LHFPL6: variants seen among roughly 807,000 people sequenced by gnomAD.
The protein encoded by LHFPL6 is LHFPL tetraspan subfamily member 6, also known as LHFPL tetraspan subfamily member 6 protein.
LHFPL6 carries 9 observed loss-of-function variants against 20.6 expected under a neutral mutation model. The observed-to-expected ratio is 0.44, with a 90% confidence interval of 0.26 to 0.76. The LOEUF is 0.76. Among genes scored for constraint, LHFPL6 ranks in the 30% least tolerant of loss-of-function variants. LHFPL6 has a pLI of 0.20. For missense variants in LHFPL6, 218 were observed against 253.5 expected, an observed-to-expected ratio of 0.86 and a Z score of 0.95; for synonymous variants, 105 against 98.7, an observed-to-expected ratio of 1.06 and a Z score of -0.38.
chr13:39,404,604 G>A (rs2138381717), intron 2 of LHFPL6, among the ~76,000 whole-genome samples: 1 of 152,296 alleles, frequency 6.6e-6, no homozygotes, highest in Non-Finnish European at 1.5e-5. Context: ...ATTTCATTGT[G>A]CACCAAAGTT....
chr13:39,511,480 A>T, intron 2 of LHFPL6, among the ~76,000 whole-genome samples: 1 of 151,814 alleles, frequency 6.6e-6, no homozygotes, highest in South Asian at 2.1e-4. Context: ...AAAAAAAAAA[A>T]AAGACAGAAA....
intron 3 of LHFPL6, among the ~76,000 whole-genome samples, chr13:39,361,498 A>G (rs1233512907): frequency 6.6e-6 from 1 of 152,016 alleles, no homozygotes; most frequent in Non-Finnish European, 1.5e-5. Flanking sequence ...TTCTATTTTT[A>G]GTAGAGATGG....
At chr13:39,381,991 A>T (rs1593292427) in intron 2 of LHFPL6, among the ~76,000 whole-genome samples, 1 of 152,166 alleles carries the variant, frequency 6.6e-6, no homozygotes, top group East Asian at 1.9e-4. Flanking sequence ...CTGAGATTGC[A>T]GCTATTGTTA....
chr13:39,375,622 G>A (rs1185654461), intron 3 of LHFPL6, among the ~76,000 whole-genome samples: 2 of 144,428 alleles, frequency 1.4e-5, no homozygotes, highest in African/African-American at 5.8e-5. Flanking sequence ...CCTGGGAGGT[G>A]GAGGTTGCAG....
At chr13:39,391,421 T>G (rs1177828) in intron 2 of LHFPL6, among the ~76,000 whole-genome samples, 1 of 151,968 alleles carries the variant, frequency 6.6e-6, no homozygotes, top group African/African-American at 2.4e-5. Context: ...CCTCATCAGT[T>G]AAGAAGGAAT....
chr13:39,363,494 T>C (rs917355710), intron 3 of LHFPL6, among the ~76,000 whole-genome samples: 15 of 152,168 alleles, frequency 9.9e-5, no homozygotes, highest in Non-Finnish European at 1.9e-4. Context: ...CACATGAGCA[T>C]GGCAGTGTTC....
At chr13:39,539,369 G>T (rs1205408687) in intron 2 of LHFPL6, among the ~76,000 whole-genome samples, 1 of 151,946 alleles carries the variant, frequency 6.6e-6, no homozygotes, top group African/African-American at 2.4e-5. Context: ...GCAGGAAATG[G>T]AACTCTTCAA....
chr13:39,355,614 C>A (rs1869705225), intron 3 of LHFPL6, among the ~76,000 whole-genome samples: 1 of 151,998 alleles, frequency 6.6e-6, no homozygotes, highest in South Asian at 2.1e-4. Flanking sequence ...CAAATAAGAC[C>A]CAGCCATCTG....
intron 2 of LHFPL6, among the ~76,000 whole-genome samples, chr13:39,599,358 C>A (rs754991573): frequency 1.1e-4 from 17 of 152,218 alleles, no homozygotes; most frequent in Non-Finnish European, 2.2e-4. Context: ...TTCTTAAAAT[C>A]TATTCTTAAA....
intron 2 of LHFPL6, among the ~76,000 whole-genome samples, chr13:39,435,062 CAAA>C (rs55701240): frequency 2.4e-4 from 13 of 53,360 alleles, no homozygotes; most frequent in Non-Finnish European, 4.0e-4. Context: ...GACTCCGTCT[CAAA>C]AAAAAAAAAA....
intron 2 of LHFPL6, among the ~76,000 whole-genome samples, chr13:39,476,173 T>C (rs1354147426): frequency 6.6e-6 from 1 of 152,164 alleles, no homozygotes; most frequent in Non-Finnish European, 1.5e-5. Context: ...TATGAAAACA[T>C]CTATTTGTTT....
intron 3 of LHFPL6, among the ~76,000 whole-genome samples, chr13:39,358,988 T>C (rs951443060): frequency 6.6e-6 from 1 of 152,078 alleles, no homozygotes; most frequent in Non-Finnish European, 1.5e-5. Flanking sequence ...CTGGCCAACA[T>C]GGTGAAACCC....
intron 2 of LHFPL6, among the ~76,000 whole-genome samples, chr13:39,532,749 G>T (rs756937531): frequency 3.3e-5 from 5 of 152,108 alleles, no homozygotes; most frequent in Non-Finnish European, 7.4e-5. Flanking sequence ...ATGTTTAGAA[G>T]AACACTAGGA....
chr13:39,561,988 C>T (rs1215002005), intron 2 of LHFPL6, among the ~76,000 whole-genome samples: 1 of 152,046 alleles, frequency 6.6e-6, no homozygotes, highest in African/African-American at 2.4e-5. Flanking sequence ...AGGATGAGGG[C>T]CAAATCTTCT....
intron 2 of LHFPL6, among the ~76,000 whole-genome samples, chr13:39,506,360 G>C (rs879356837): frequency 4.6e-5 from 7 of 152,158 alleles, no homozygotes; most frequent in Non-Finnish European, 7.4e-5. Context: ...ATGGTGTTCA[G>C]TGATGAATAC....
At position 39,566,571 on chromosome 13, in the gene LHFPL6, T is replaced by C. The variant is rs142089165; in HGVS notation, c.385+34261A>G. On this transcript the variant is annotated intron_variant, in intron 2 of 3. Transcript: ENST00000379589. ...GCCTAGGCAACACAGGGAGACGCGGTCTCTACAAAAAATTAGCTGGGCATG... is the reference window on the plus strand; with the variant it reads ...GCCTAGGCAACACAGGGAGACGCGGCCTCTACAAAAAATTAGCTGGGCATG... 2.8e-3 allele frequency among the ~76,000 whole-genome samples: 416 copies of C among 150,724 alleles called. 2 individuals carry two copies. The highest frequency in any genetic ancestry group is 8.6e-3 in the African/African-American group (353 of 41,030).
At chr13:39,562,557 CATACATATACACAT>C (rs1871553399) in intron 2 of LHFPL6, among the ~76,000 whole-genome samples, 2 of 82,338 alleles carry the variant, frequency 2.4e-5, no homozygotes, top group South Asian at 8.9e-4. Context: ...CATATATACA[CATACATATACACAT>C]ACATATATAC....
At chr13:39,475,432 T>TG (rs1873061025) in intron 2 of LHFPL6, among the ~76,000 whole-genome samples, 1 of 152,114 alleles carries the variant, frequency 6.6e-6, no homozygotes, top group African/African-American at 2.4e-5. Context: ...CTCCATCTTT[T>TG]TTTTTTTGGA....
rs115967520 is a variant in LHFPL6 at position 39,546,333 on chromosome 13, A to T, written c.385+54499T>A. On this transcript the variant is annotated intron_variant, in intron 2 of 3. Coordinates refer to ENST00000379589, the MANE Select transcript of LHFPL6 (RefSeq NM_005780.3). ...CACTTCTGATCCTTTATAAAAATGT[A>T]GATTCCTGGGCAATGCCTACAAATT... Among the ~76,000 whole-genome samples the T allele has an allele frequency of 7.3e-3, 1,118 of 152,264 alleles. 17 individuals carry two copies. The highest frequency in any genetic ancestry group is 0.026 in the African/African-American group (1,064 of 41,498).
Sources: gnomAD v4.1 joint callset for allele counts (sites outside exome capture counted in the v4.1 genomes callset) on GRCh38, gnomAD v4.1.1 for gene constraint, MANE v1.5 for transcripts, NCBI Gene and HGNC (gene_info 2026-07-23, HGNC 2026-07-21) for gene names.